OSBPL6: variants seen among roughly 807,000 people sequenced by gnomAD.
OSBPL6 encodes oxysterol binding protein like 6.
A neutral mutation model predicts 125.8 loss-of-function variants in OSBPL6; 49 were observed. That is an observed-to-expected ratio of 0.39 (90% CI 0.31 to 0.49). The LOEUF is 0.49. OSBPL6 is among the 20% of genes least tolerant of loss of function. The probability of loss-of-function intolerance (pLI) is 0.88; values close to 1 mark genes in which losing one functional copy is unlikely to be tolerated. For synonymous variants in OSBPL6, 394 were observed against 391.8 expected (o/e 1.01, Z -0.07); for missense variants, 986 against 1,135.4 (o/e 0.87, Z 1.89).
Position 178,354,012 on chromosome 2 carries a change from A to G in OSBPL6, c.1153+4623A>G, listed in dbSNP as rs1691537152. 2.0e-5 allele frequency among the ~76,000 whole-genome samples: 3 copies of G among 152,176 alleles called. No homozygotes were observed. The South Asian group carries it at 6.2e-4, about 32-fold the overall frequency. On this transcript the variant is annotated intron_variant, in intron 12 of 24. Transcript: ENST00000190611. ...TAAGCTTCATAAGAAAGAGAAATAA[A>G]ATCCTTTACAGACAAGCAAATGCTG...
intron 13 of OSBPL6, among the ~76,000 whole-genome samples, chr2:178,370,132 G>A (rs1028338118): frequency 3.9e-5 from 6 of 152,252 alleles, no homozygotes; most frequent in Admixed American, 1.3e-4. Context: ...AGATGTGGTG[G>A]TGCATACCTG....
intron 1 of OSBPL6, among the ~76,000 whole-genome samples, chr2:178,196,656 C>T (rs575150442): frequency 1.1e-4 from 16 of 152,254 alleles, no homozygotes; most frequent in African/African-American, 3.9e-4. Flanking sequence ...CTTAGTACCA[C>T]CACAGATACC....
In OSBPL6 at chr2:178,331,596, AC is replaced by A. The variant is rs1293911255; in HGVS notation, c.365del (p.Pro122HisfsTer13). On this transcript the variant is annotated frameshift_variant, in exon 6 of 25. Transcript: ENST00000190611. LOFTEE classifies it high-confidence loss of function. The stretch of plus-strand genomic sequence containing the variant: ...ATGGAATGTTAAAGTATTCAAAGGC[AC>A]CACTCGATGTAAGTAGCACACAGGA... Reference protein sequence around the residue: ...DNGMLKYSKAPLDIQKGKVHG... With the variant: ...DNGMLKYSKAXLDIQKGKVHG... 6.2e-7 allele frequency: 1 copy of A among 1,613,976 alleles called. No individual in the cohort carries two copies. Among genetic ancestry groups the A allele is most frequent in the Non-Finnish European group, 8.5e-7 (1 of 1,179,982 alleles).
intron 5 of OSBPL6, among the ~76,000 whole-genome samples, chr2:178,331,335 G>A (rs534897478): frequency 6.6e-6 from 1 of 152,112 alleles, no homozygotes; most frequent in South Asian, 2.1e-4. Context: ...ATTGGATTAT[G>A]TATAAAAGAA....
At chr2:178,275,494 A>G (rs1574713213) in intron 1 of OSBPL6, among the ~76,000 whole-genome samples, 1 of 152,174 alleles carries the variant, frequency 6.6e-6, no homozygotes, top group African/African-American at 2.4e-5. Flanking sequence ...CCTGAGAGTG[A>G]GACTCTGTCT....
chr2:178,227,916 T>G (rs1432928344), intron 1 of OSBPL6, among the ~76,000 whole-genome samples: 1 of 152,170 alleles, frequency 6.6e-6, no homozygotes, highest in African/African-American at 2.4e-5. Flanking sequence ...ATTTTTGTGT[T>G]TTCTCTATGA....
At chr2:178,303,212 G>A (rs1686453141) in intron 2 of OSBPL6, among the ~76,000 whole-genome samples, 1 of 152,164 alleles carries the variant, frequency 6.6e-6, no homozygotes, top group Admixed American at 6.5e-5. Context: ...GATATACAGC[G>A]CTTTCCATTT....
chr2:178,293,168 C>G (rs1408239314), intron 2 of OSBPL6, among the ~76,000 whole-genome samples: 1 of 151,804 alleles, frequency 6.6e-6, no homozygotes, highest in African/African-American at 2.4e-5. Context: ...TAAAATTATT[C>G]CAAAATAAAA....
At chr2:178,250,601 C>T (rs2091657152) in intron 1 of OSBPL6, among the ~76,000 whole-genome samples, 1 of 152,196 alleles carries the variant, frequency 6.6e-6, no homozygotes, top group South Asian at 2.1e-4. Flanking sequence ...CAAGGCCCCA[C>T]TTCCCTTCCT....
intron 11 of OSBPL6, 51 bp from the exon 12 acceptor site, chr2:178,349,173 T>C: frequency 6.4e-7 from 1 of 1,560,302 alleles, no homozygotes; most frequent in Non-Finnish European, 8.8e-7. Flanking sequence ...TGTAGGAGAA[T>C]GTGAAACAAT....
chr2:178,253,685 A>G (rs531516739), intron 1 of OSBPL6, among the ~76,000 whole-genome samples: 1 of 152,218 alleles, frequency 6.6e-6, no homozygotes, highest in Non-Finnish European at 1.5e-5. Context: ...ATATAACAAT[A>G]TGCTTTTTAT....
At chr2:178,204,317 C>A (rs1024293338) in intron 1 of OSBPL6, among the ~76,000 whole-genome samples, 1 of 152,210 alleles carries the variant, frequency 6.6e-6, no homozygotes, top group African/African-American at 2.4e-5. Context: ...AGCCACCCTG[C>A]CCGGCCTCAC....
chr2:178,311,016 G>A (rs1687224203), intron 3 of OSBPL6, among the ~76,000 whole-genome samples: 1 of 152,272 alleles, frequency 6.6e-6, no homozygotes, highest in Admixed American at 6.5e-5. Context: ...AGTTGGAGTA[G>A]TACCTTCACA....
chr2:178,339,648 C>T, intron 10 of OSBPL6, 24 bp from the exon 11 acceptor site: 1 of 1,555,556 alleles, frequency 6.4e-7, no homozygotes, highest in Non-Finnish European at 8.7e-7. Context: ...TACTTTGTTG[C>T]TTTTAACTAT....
chr2:178,346,934 TC>T (rs952575182), intron 11 of OSBPL6, among the ~76,000 whole-genome samples: 1 of 152,186 alleles, frequency 6.6e-6, no homozygotes, highest in Non-Finnish European at 1.5e-5. Flanking sequence ...AGTTCTCAAT[TC>T]CCAGGGAACC....
At chr2:178,390,294 C>T (rs1214572766) in intron 21 of OSBPL6, among the ~76,000 whole-genome samples, 1 of 152,216 alleles carries the variant, frequency 6.6e-6, no homozygotes, top group African/African-American at 2.4e-5. Flanking sequence ...ACAGCCAGTC[C>T]TGGCCCACGG....
intron 1 of OSBPL6, among the ~76,000 whole-genome samples, chr2:178,271,770 T>C (rs549147176): frequency 9.2e-5 from 14 of 152,324 alleles, no homozygotes; most frequent in African/African-American, 3.4e-4. Flanking sequence ...TAGAATCTCC[T>C]GCTCCCTGCC....
intron 1 of OSBPL6, among the ~76,000 whole-genome samples, chr2:178,282,566 C>T (rs1373240527): frequency 6.6e-6 from 1 of 152,206 alleles, no homozygotes; most frequent in Non-Finnish European, 1.5e-5. Flanking sequence ...TCTTTTTCCT[C>T]TTTATCAGTG....
chr2:178,293,196 C>T lies in OSBPL6; in HGVS notation c.-156+8075C>T, dbSNP rs1276184350. 2.0e-5 allele frequency among the ~76,000 whole-genome samples: 3 copies of T among 151,992 alleles called. No individual in the cohort carries two copies. In the East Asian group the frequency reaches 5.8e-4, roughly 29 times the overall value. On this transcript the variant is annotated intron_variant, in intron 2 of 24. Transcript: ENST00000190611. ...AAATAAAACATTTAAAAGAAAGATA[C>T]TGGTGAAGAAATGCCAAAATGTGTA...
Sources: allele counts gnomAD v4.1 joint callset (sites outside exome capture counted in the v4.1 genomes callset), GRCh38; gene constraint gnomAD v4.1.1; transcripts MANE v1.5; gene names NCBI Gene and HGNC (gene_info 2026-07-23, HGNC 2026-07-21).